The following ANO5 variants were observed in gnomAD, a reference collection of about 807,000 sequenced individuals.
ANO5 encodes the protein anoctamin-5.
A neutral mutation model predicts 121.0 loss-of-function variants in ANO5; 109 were observed. The ratio of observed to expected loss-of-function variants is 0.90; its 90% CI spans 0.77 to 1.06. ANO5 has a LOEUF of 1.06. Among genes scored for constraint, ANO5 ranks in the 50% least tolerant of loss-of-function variants. The pLI is 0.00. For synonymous variants in ANO5, 406 were observed against 359.9 expected, an observed-to-expected ratio of 1.13 and a Z score of -1.45; for missense variants, 1,064 against 1,078.5, an observed-to-expected ratio of 0.99 and a Z score of 0.19.
At position 22,260,168 on chromosome 11, in the gene ANO5, G is replaced by GATTTT. The variant is rs1416790143; in HGVS notation, c.1630+427_1630+428insATTTT. On this transcript the variant is annotated intron_variant, in intron 15 of 21. Transcript: ENST00000324559. Reference sequence around the variant, plus strand: ...TTCTCCTAAATAAATCTAAATTTTAGCGCTTTTCTTTTCTACTGCTATCTC... The same window carrying GATTTT: ...TTCTCCTAAATAAATCTAAATTTTAGATTTTCGCTTTTCTTTTCTACTGCTATCTC... Among the ~76,000 whole-genome samples, 6 of 152,158 alleles carry GATTTT rather than the reference G, an allele frequency of 3.9e-5. No individual in the cohort carries two copies. The East Asian group carries it at 1.2e-3, about 29-fold the overall frequency.
intron 7 of ANO5, among the ~76,000 whole-genome samples, chr11:22,230,570 T>C (rs1362739045): frequency 2.6e-5 from 4 of 152,042 alleles, no homozygotes; most frequent in Admixed American, 6.6e-5. Flanking sequence ...AATTTCAGAT[T>C]CATAAATCCA....
rs1381445279 is a variant in ANO5, at chr11:22,193,540, C to T, written c.40+8C>T. 1.2e-6 allele frequency: 2 copies of T among 1,612,194 alleles called. No individual in the cohort carries two copies. The highest frequency in any genetic ancestry group is 4.5e-5 in the East Asian group (2 of 44,826). On this transcript the variant is annotated splice_region_variant and intron_variant, in intron 1 of 21. Transcript: ENST00000324559. ...AAGTGTTGGCGGAGGAAGGTAGGAC[C>T]GCGCCAAGAGGCGTCAAGGGAGAGC...
rs200265848 is a variant in ANO5, at chr11:22,270,335, G to A, written c.1922G>A (p.Arg641His). 16 of 1,614,086 alleles carry A rather than the reference G, an allele frequency of 9.9e-6. No homozygotes were observed. The East Asian group carries it at 1.8e-4, about 18-fold the overall frequency. The change falls in exon 18 of 22, where the codon CGC becomes CAC. Residue 641 changes from arginine to histidine, a missense_variant. Coordinates refer to ENST00000324559, the MANE Select transcript of ANO5 (RefSeq NM_213599.3). ...AGCTTGGCTTTGAATTGGTGGAGACGCCGAAAAGCTCGGACAAACTCTGAG... is the reference window on the plus strand; with the variant it reads ...AGCTTGGCTTTGAATTGGTGGAGACACCGAAAAGCTCGGACAAACTCTGAG... ...IYPLALNWWR[R>H]RKARTNSEKL...
At chr11:22,225,482 A>G (rs1485990053) in intron 5 of ANO5, among the ~76,000 whole-genome samples, 1 of 152,062 alleles carries the variant, frequency 6.6e-6, no homozygotes, top group East Asian at 1.9e-4. Flanking sequence ...CAAACAAATG[A>G]AGAACTAAGC....
At chr11:22,237,058 A>G (rs1433764353) in intron 8 of ANO5, among the ~76,000 whole-genome samples, 5 of 152,092 alleles carry the variant, frequency 3.3e-5, no homozygotes, top group Non-Finnish European at 7.4e-5. Context: ...TTCACCACCT[A>G]TTGGCAGTGG....
chr11:22,232,172 G>A (rs1476670464), intron 7 of ANO5, among the ~76,000 whole-genome samples: 1 of 151,924 alleles, frequency 6.6e-6, no homozygotes, highest in African/African-American at 2.4e-5. Flanking sequence ...CTTTATTTGG[G>A]TGATCAGTTA....
In ANO5 at chr11:22,236,230, G is replaced by A; in HGVS notation, c.716G>A (p.Arg239Lys). 1 of 1,613,406 alleles carries A rather than the reference G, an allele frequency of 6.2e-7. No homozygotes were observed. The change falls in exon 8 of 22, where the codon AGA (arginine) becomes AAA (lysine). Residue 239 changes from arginine to lysine, a missense_variant. Coordinates refer to ENST00000324559, the MANE Select transcript of ANO5 (RefSeq NM_213599.3). ...EDGKKRFGIERLLNSNTYSSA... is the reference protein window; with the variant it reads ...EDGKKRFGIEKLLNSNTYSSA... ...GGGAAGAAAAGGTTTGGGATTGAAAGACTGCTAAACTCTAACACTTACTCA... is the reference window on the plus strand; with the variant it reads ...GGGAAGAAAAGGTTTGGGATTGAAAAACTGCTAAACTCTAACACTTACTCA...
chr11:22,227,612 A>G, intron 7 of ANO5, 26 bp downstream of exon 7: 1 of 1,609,306 alleles, frequency 6.2e-7, no homozygotes. Context: ...CTTTGGGCAC[A>G]TCCCTTCAAA....
chr11:22,255,787 G>A (rs1195231066), intron 13 of ANO5, among the ~76,000 whole-genome samples: 2 of 151,958 alleles, frequency 1.3e-5, no homozygotes, highest in Non-Finnish European at 2.9e-5. Context: ...AGAATGAATC[G>A]TTTTTAATTC....
chr11:22,273,647 G>A lies in ANO5; in HGVS notation c.2235+658G>A, dbSNP rs143779407. On this transcript the variant is annotated intron_variant, in intron 19 of 21. Coordinates refer to ENST00000324559, the MANE Select transcript of ANO5 (RefSeq NM_213599.3). ...ATAACTTAAGACACTGTCAAAAATT[G>A]TAAATCAAATTGATAGTAGTAAAAA... 4.6e-3 allele frequency among the ~76,000 whole-genome samples: 693 copies of A among 151,888 alleles called. 8 individuals are homozygous for A. The highest frequency in any genetic ancestry group is 0.016 in the African/African-American group (664 of 41,348).
At chr11:22,231,067 A>G (rs1201768023) in intron 7 of ANO5, among the ~76,000 whole-genome samples, 2 of 151,994 alleles carry the variant, frequency 1.3e-5, no homozygotes, top group East Asian at 3.9e-4. Flanking sequence ...CACACCTCTT[A>G]TGGCACAGAT....
At chr11:22,238,287 T>C (rs1478227852) in intron 8 of ANO5, among the ~76,000 whole-genome samples, 1 of 151,674 alleles carries the variant, frequency 6.6e-6, no homozygotes, top group African/African-American at 2.4e-5. Context: ...AGTTTTTTTT[T>C]TTTTTTTGAA....
At chr11:22,216,618 A>G (rs1852453131) in intron 3 of ANO5, among the ~76,000 whole-genome samples, 1 of 151,850 alleles carries the variant, frequency 6.6e-6, no homozygotes, top group South Asian at 2.1e-4. Flanking sequence ...ACTTATTGTG[A>G]ACATTTTCTT....
upstream of ANO5, chr11:22,192,931 G>GGGGGCCAGCGT: frequency 1.0e-6 from 1 of 965,134 alleles, no homozygotes; most frequent in South Asian, 4.8e-5. Context: ...GCGGAGAGGA[G>GGGGGCCAGCGT]GGGGCCAGCG....
At chr11:22,225,318 G>A (rs1285043072) in intron 5 of ANO5, among the ~76,000 whole-genome samples, 2 of 151,798 alleles carry the variant, frequency 1.3e-5, no homozygotes, top group African/African-American at 4.8e-5. Context: ...AAAATTATCC[G>A]AGTGTGGAGA....
intron 1 of ANO5, among the ~76,000 whole-genome samples, chr11:22,200,542 T>C (rs1037876631): frequency 1.3e-5 from 2 of 152,136 alleles, no homozygotes; most frequent in African/African-American, 4.8e-5. Flanking sequence ...ATCAAGGACA[T>C]TTTTAAGTTA....
At chr11:22,224,756 A>T (rs563514851) in intron 5 of ANO5, among the ~76,000 whole-genome samples, 1 of 152,246 alleles carries the variant, frequency 6.6e-6, no homozygotes, top group South Asian at 2.1e-4. Flanking sequence ...GCAAAGGAAA[A>T]GTGCCCATTG....
intron 21 of ANO5, 26 bp from the exon 22 acceptor site, chr11:22,279,518 T>C: frequency 6.3e-7 from 1 of 1,579,404 alleles, no homozygotes; most frequent in Middle Eastern, 2.1e-4. Context: ...TAACAGCGTC[T>C]AATCTTTCCT....
intron 9 of ANO5, among the ~76,000 whole-genome samples, chr11:22,246,899 A>C (rs946893251): frequency 1.3e-5 from 2 of 149,824 alleles, no homozygotes; most frequent in African/African-American, 2.4e-5. Flanking sequence ...AAAAGAATTT[A>C]TTCATATATG....
Sources: allele counts gnomAD v4.1 joint callset (sites outside exome capture counted in the v4.1 genomes callset), GRCh38; gene constraint gnomAD v4.1.1; transcripts MANE v1.5; gene names NCBI Gene and HGNC (gene_info 2026-07-23, HGNC 2026-07-21).